The following LINGO2 variants were observed in gnomAD, a reference collection of about 807,000 sequenced individuals.
LINGO2 encodes leucine-rich repeat and immunoglobulin-like domain-containing nogo receptor-interacting protein 2.
LINGO2 carries 14 observed loss-of-function variants against 30.6 expected under a neutral mutation model. The observed-to-expected ratio is 0.46, with a 90% CI of 0.30 to 0.72. The LOEUF is 0.72. LINGO2 is among the 30% of genes least tolerant of loss of function. LINGO2 has a pLI of 0.07. For synonymous variants in LINGO2, 317 were observed against 288.5 expected, an observed-to-expected ratio of 1.10 and a Z score of -1.00; for missense variants, 729 against 751.7, an observed-to-expected ratio of 0.97 and a Z score of 0.35.
At chr9:28,897,697 C>T in the LINGO2 span, among the ~76,000 whole-genome samples, 2 of 152,010 alleles carry the variant, frequency 1.3e-5, no homozygotes, top group Non-Finnish European at 2.9e-5. Context: ...GTATCTATAT[C>T]ACAGGGGTTA....
intron 2 of LINGO2, among the ~76,000 whole-genome samples, chr9:28,419,294 C>T (rs1823092221): frequency 6.6e-6 from 1 of 152,036 alleles, no homozygotes; most frequent in Non-Finnish European, 1.5e-5. Context: ...TGTTTTTTCT[C>T]AAATGTATAT....
In LINGO2 at chr9:28,009,144, T is replaced by G. The variant is rs1269887168; in HGVS notation, c.-36+3211A>C. ...GACAGATAATTCAAAGGGAAAAGTT[T>G]TTTTTTTTTCCAACATATGGTGCTG... On this transcript the variant is annotated intron_variant, in intron 5 of 5. Coordinates refer to ENST00000379992, the Ensembl canonical transcript of LINGO2. 9.6e-4 allele frequency among the ~76,000 whole-genome samples: 10 copies of G among 10,470 alleles called. No individual in the cohort carries two copies. The South Asian group carries it at 0.023, about 24-fold the overall frequency. 6.9% of individuals were successfully genotyped at this position (10,470 alleles called of 152,430 possible).
At chr9:28,410,855 T>C (rs1822733005) in intron 2 of LINGO2, among the ~76,000 whole-genome samples, 1 of 152,122 alleles carries the variant, frequency 6.6e-6, no homozygotes, top group Non-Finnish European at 1.5e-5. Context: ...AATTTCAACA[T>C]GTTTCATAGA....
intron 1 of LINGO2, among the ~76,000 whole-genome samples, chr9:28,543,380 A>G (rs1400309662): frequency 6.6e-6 from 1 of 152,128 alleles, no homozygotes; most frequent in African/African-American, 2.4e-5. Flanking sequence ...TGGCTTTAAA[A>G]TATTTTATTC....
At chr9:28,552,719 G>T (rs1473726143) in intron 1 of LINGO2, among the ~76,000 whole-genome samples, 1 of 147,576 alleles carries the variant, frequency 6.8e-6, no homozygotes, top group Non-Finnish European at 1.5e-5. Flanking sequence ...TAAGACGTTG[G>T]ATTTTCTCTG....
chr9:28,290,474 A>G (rs1823682212), intron 4 of LINGO2, among the ~76,000 whole-genome samples: 1 of 152,200 alleles, frequency 6.6e-6, no homozygotes, highest in Admixed American at 6.5e-5. Flanking sequence ...GACTCAGTCT[A>G]GGTCCTTCTG....
chr9:28,575,815 C>T (rs1171525422), intron 1 of LINGO2, among the ~76,000 whole-genome samples: 1 of 152,000 alleles, frequency 6.6e-6, no homozygotes, highest in South Asian at 2.1e-4. Flanking sequence ...TGGAACATCC[C>T]AGGTCTCCTA....
chr9:29,116,505 T>A, the LINGO2 span, among the ~76,000 whole-genome samples: 1 of 152,130 alleles, frequency 6.6e-6, no homozygotes, highest in Non-Finnish European at 1.5e-5. Context: ...CATCCTTATT[T>A]CTTTTCATTC....
In LINGO2 at chr9:28,626,343, G is replaced by C. The variant is rs78371530; in HGVS notation, c.-365+43857C>G. Among the ~76,000 whole-genome samples the C allele has an allele frequency of 2.5e-3, 385 of 151,808 alleles. 5 individuals carry two copies. The East Asian group carries it at 0.044, about 17-fold the overall frequency. ...AAGTATTGTAATTTTTTCCAATTTG[G>C]GGTTTGCATTTTCATTTCATTAATA... On this transcript the variant is annotated intron_variant, in intron 1 of 5. Coordinates refer to ENST00000379992, the Ensembl canonical transcript of LINGO2.
At chr9:29,021,555 G>T in the LINGO2 span, among the ~76,000 whole-genome samples, 7,486 of 152,140 alleles carry the variant, frequency 0.049, 234 homozygotes, top group Non-Finnish European at 0.072. Context: ...TACTCAGGAG[G>T]CTGAGGCAGG....
intron 4 of LINGO2, among the ~76,000 whole-genome samples, chr9:28,179,737 C>T (rs1361451972): frequency 6.9e-6 from 1 of 145,062 alleles, no homozygotes; most frequent in African/African-American, 2.5e-5. Context: ...ATAGTATTTT[C>T]CCTTAAATAA....
At chr9:27,941,725 G>A in the LINGO2 span, 1 of 152,206 alleles carries the variant, frequency 6.6e-6, no homozygotes, top group Non-Finnish European at 1.5e-5. Flanking sequence ...GAAAGGTAAA[G>A]AGAGGGCACC....
chr9:28,659,546 C>T (rs953201721), intron 1 of LINGO2, among the ~76,000 whole-genome samples: 1 of 151,648 alleles, frequency 6.6e-6, no homozygotes, highest in Non-Finnish European at 1.5e-5. Context: ...CTCCTGGGAT[C>T]AAGTCATCTT....
At chr9:27,968,916 G>A (rs144697018) in intron 5 of LINGO2, among the ~76,000 whole-genome samples, 104 of 151,118 alleles carry the variant, frequency 6.9e-4, no homozygotes, top group Middle Eastern at 3.8e-3. Context: ...CTCTACTAAG[G>A]AAATTACATA....
rs10968487 is a variant in LINGO2, at chr9:28,311,818, T to C, written c.-245-16452A>G. ...CATCCCCCTTAGCTTACGAAGATGA[T>C]GGGATTAAGAGATTAAACCAAAGAC... On this transcript the variant is annotated intron_variant, in intron 3 of 5. Transcript: ENST00000379992. Among the ~76,000 whole-genome samples, 2,164 of 152,228 alleles carry C rather than the reference T, an allele frequency of 0.014. 89 individuals carry two copies. The East Asian group carries it at 0.15, about 11-fold the overall frequency.
intron 4 of LINGO2, among the ~76,000 whole-genome samples, chr9:28,140,293 A>G (rs898333783): frequency 6.6e-6 from 1 of 152,216 alleles, no homozygotes; most frequent in Non-Finnish European, 1.5e-5. Context: ...TAAAATGGTA[A>G]GTTTAATTTG....
At chr9:28,507,368 C>T (rs1820193615) in intron 1 of LINGO2, among the ~76,000 whole-genome samples, 1 of 152,124 alleles carries the variant, frequency 6.6e-6, no homozygotes, top group Non-Finnish European at 1.5e-5. Flanking sequence ...GCAATGGAAA[C>T]TGGAGCGGTG....
At chr9:28,511,082 T>G (rs1242595090) in intron 1 of LINGO2, among the ~76,000 whole-genome samples, 1 of 152,060 alleles carries the variant, frequency 6.6e-6, no homozygotes, top group African/African-American at 2.4e-5. Context: ...ATTCAAATGT[T>G]AATCTCCTTT....
chr9:28,524,566 A>C (rs1361356424), intron 1 of LINGO2, among the ~76,000 whole-genome samples: 2 of 152,158 alleles, frequency 1.3e-5, no homozygotes, highest in Non-Finnish European at 2.9e-5. Flanking sequence ...CAGTCTGGCC[A>C]ACATGGTGAA....
Sources: gnomAD v4.1 joint callset for allele counts (sites outside exome capture counted in the v4.1 genomes callset) on GRCh38, gnomAD v4.1.1 for gene constraint, MANE v1.5 for transcripts, NCBI Gene and HGNC (gene_info 2026-07-23, HGNC 2026-07-21) for gene names.